Variants in MAP2K4 observed in about 807,000 individuals in gnomAD.
MAP2K4 encodes the protein mitogen-activated protein kinase kinase 4, also known as dual specificity mitogen-activated protein kinase kinase 4.
Under a neutral mutation model 48.5 loss-of-function variants are expected in MAP2K4, and 4 were observed. The observed-to-expected ratio is 0.08, with a 90% CI of 0.04 to 0.19. The LOEUF (loss-of-function observed/expected upper bound fraction) is 0.19. Among genes scored for constraint, MAP2K4 ranks in the 10% least tolerant of loss-of-function variants. The pLI is 1.00. For synonymous variants in MAP2K4, 166 were observed against 173.1 expected, an observed-to-expected ratio of 0.96 and a Z score of 0.32; for missense variants, 258 against 493.3, an observed-to-expected ratio of 0.52 and a Z score of 4.52.
chr17:12,062,186 T>TTGTGAATGCCTG (rs2151531872), intron 2 of MAP2K4, among the ~76,000 whole-genome samples: 1 of 152,266 alleles, frequency 6.6e-6, no homozygotes, highest in South Asian at 2.1e-4. Flanking sequence ...TGATTCTGAT[T>TTGTGAATGCCTG]ATCTGTTTCC....
chr17:12,084,741 C>G (rs922019434), intron 3 of MAP2K4, among the ~76,000 whole-genome samples: 1 of 151,996 alleles, frequency 6.6e-6, no homozygotes, highest in African/African-American at 2.4e-5. Flanking sequence ...ATGAGGAGTA[C>G]CTCATCTATA....
In MAP2K4 at chr17:12,020,942, G is replaced by T; in HGVS notation, c.56G>T (p.Gly19Val). The stretch of plus-strand genomic sequence containing the variant: ...GGCTCCGGGGGCGGCAGCGGCAGCG[G>T]CACCCCCGGCCCCGTAGGGTCCCCG... ...GGGSGGGSGS[G>V]TPGPVGSPAP... Residue 19 changes from glycine to valine, a missense_variant, in exon 1 of 11, where the codon GGC becomes GTC. Gly to Val is a moderately radical substitution (Grantham distance 109). This residue lies in a region of MAP2K4 where 69 missense variants were observed against 56.2 expected (regional missense o/e 1.23). Coordinates refer to ENST00000353533, the MANE Select transcript of MAP2K4 (RefSeq NM_003010.4). The T allele has an allele frequency of 2.5e-6, 3 of 1,217,390 alleles. No homozygotes were observed. The highest frequency in any genetic ancestry group is 3.1e-6 in the Non-Finnish European group (3 of 978,896). The allele number at this position is 1,217,390 out of a possible 1,614,324, so 75.4% of individuals were successfully genotyped here. A position where few individuals can be genotyped will look rare whatever the true frequency, so the allele number is the denominator to read the frequency against.
intron 5 of MAP2K4, among the ~76,000 whole-genome samples, chr17:12,108,965 A>G (rs1237751570): frequency 1.3e-5 from 2 of 152,148 alleles, no homozygotes; most frequent in Non-Finnish European, 2.9e-5. Context: ...TTATCTTGAA[A>G]CTTACTATTT....
At chr17:12,041,888 A>G (rs1190697831) in intron 1 of MAP2K4, among the ~76,000 whole-genome samples, 1 of 152,220 alleles carries the variant, frequency 6.6e-6, no homozygotes. Context: ...GTCAGAAGTC[A>G]TGCCGATGGA....
At chr17:12,024,349 T>C (rs934770973) in intron 1 of MAP2K4, among the ~76,000 whole-genome samples, 6 of 152,340 alleles carry the variant, frequency 3.9e-5, no homozygotes, top group African/African-American at 1.4e-4. Flanking sequence ...ATGCTAACAG[T>C]TATGGCTTCT....
intron 9 of MAP2K4, among the ~76,000 whole-genome samples, chr17:12,139,447 G>A (rs1290335211): frequency 6.6e-6 from 1 of 152,060 alleles, no homozygotes; most frequent in Non-Finnish European, 1.5e-5. Flanking sequence ...GGTTTCTCTT[G>A]GGTAGTATCT....
chr17:12,106,106 C>G (rs1308103998), intron 4 of MAP2K4, among the ~76,000 whole-genome samples: 1 of 152,034 alleles, frequency 6.6e-6, no homozygotes, highest in Non-Finnish European at 1.5e-5. Flanking sequence ...TTTTCAGACT[C>G]CTAATGTCAT....
chr17:12,132,901 AT>A (rs915957872), intron 9 of MAP2K4, among the ~76,000 whole-genome samples: 8 of 152,146 alleles, frequency 5.3e-5, no homozygotes, highest in African/African-American at 1.7e-4. Context: ...AAATGATTAC[AT>A]TTGTAGTAAT....
intron 4 of MAP2K4, among the ~76,000 whole-genome samples, chr17:12,101,208 C>A (rs1362700795): frequency 1.3e-5 from 2 of 151,946 alleles, no homozygotes; most frequent in African/African-American, 2.4e-5. Context: ...TTATACTTAT[C>A]CATTTGGAGT....
intron 3 of MAP2K4, among the ~76,000 whole-genome samples, chr17:12,082,185 A>G (rs188112739): frequency 6.6e-6 from 1 of 152,050 alleles, no homozygotes; most frequent in African/African-American, 2.4e-5. Context: ...ATCCATAGAC[A>G]ATACCTGGCA....
intron 7 of MAP2K4, among the ~76,000 whole-genome samples, chr17:12,115,164 A>G (rs1972447325): frequency 6.6e-6 from 1 of 152,234 alleles, no homozygotes; most frequent in Non-Finnish European, 1.5e-5. Flanking sequence ...CAACATAAAA[A>G]AGTAAATAAA....
intron 8 of MAP2K4, among the ~76,000 whole-genome samples, chr17:12,127,330 A>G (rs1972884945): frequency 6.6e-6 from 1 of 152,232 alleles, no homozygotes. Flanking sequence ...AACTGGTCCC[A>G]AAGACTGCAG....
intron 2 of MAP2K4, among the ~76,000 whole-genome samples, chr17:12,073,223 C>T (rs1417051013): frequency 1.3e-5 from 2 of 152,080 alleles, no homozygotes; most frequent in Non-Finnish European, 2.9e-5. Flanking sequence ...CATTTCTTCT[C>T]CTGCCCACAC....
At chr17:12,028,348 T>C (rs1406697832) in intron 1 of MAP2K4, among the ~76,000 whole-genome samples, 1 of 152,212 alleles carries the variant, frequency 6.6e-6, no homozygotes, top group Non-Finnish European at 1.5e-5. Flanking sequence ...TCTAACAACC[T>C]GGAATTGCTA....
chr17:12,021,811 G>A (rs1969080092), intron 1 of MAP2K4, among the ~76,000 whole-genome samples: 1 of 151,464 alleles, frequency 6.6e-6, no homozygotes, highest in Non-Finnish European at 1.5e-5. Context: ...GGGTCAAAGT[G>A]ATACTGTAGT....
intron 4 of MAP2K4, among the ~76,000 whole-genome samples, chr17:12,103,494 T>C (rs1972007598): frequency 6.6e-6 from 1 of 152,170 alleles, no homozygotes; most frequent in South Asian, 2.1e-4. Flanking sequence ...ATGTTCCTTT[T>C]AAACTGTGAA....
chr17:12,048,445 A>T (rs550375397), intron 1 of MAP2K4, among the ~76,000 whole-genome samples: 1 of 152,278 alleles, frequency 6.6e-6, no homozygotes, highest in South Asian at 2.1e-4. Flanking sequence ...AGCTGTGTGG[A>T]TGAACAACAG....
At chr17:12,125,151 TC>T (rs1162838600) in intron 7 of MAP2K4, 142 bp from the exon 8 acceptor site, 2 of 643,848 alleles carry the variant, frequency 3.1e-6, no homozygotes, top group East Asian at 2.6e-5. Flanking sequence ...AATGATGACT[TC>T]CTATTACTTC....
rs1239764003 is a variant in MAP2K4 at position 12,096,213 on chromosome 17, A to G, written c.513+519A>G. ...TACCCATCAGACATGGAAATTAACAATTACAATATAAATTATTTTTTTCTA... is the reference window on the plus strand; with the variant it reads ...TACCCATCAGACATGGAAATTAACAGTTACAATATAAATTATTTTTTTCTA... On this transcript the variant is annotated intron_variant, in intron 4 of 10. Transcript: ENST00000353533. Among the ~76,000 whole-genome samples, 6 of 152,052 alleles carry G rather than the reference A, an allele frequency of 3.9e-5. No individual in the cohort carries two copies. In the South Asian group the frequency reaches 8.3e-4, roughly 21 times the overall value.
Sources: allele counts gnomAD v4.1 joint callset (sites outside exome capture counted in the v4.1 genomes callset), GRCh38; gene constraint gnomAD v4.1.1; regional missense constraint gnomAD v4.1.1; transcripts MANE v1.5; gene names NCBI Gene and HGNC (gene_info 2026-07-23, HGNC 2026-07-21).